PSEN1: variants seen among roughly 807,000 people sequenced by gnomAD.
PSEN1 encodes the protein presenilin-1.
In PSEN1, 15 loss-of-function variants were observed where a neutral mutation model predicts 53.5. The ratio of observed to expected loss-of-function variants is 0.28; its 90% CI spans 0.19 to 0.43. PSEN1 has a LOEUF of 0.43. PSEN1 is among the 20% of genes least tolerant of loss of function. The pLI is 1.00. For synonymous variants in PSEN1, 208 were observed against 209.8 expected (o/e 0.99, Z 0.08); for missense variants, 387 against 571.2 (o/e 0.68, Z 3.29).
Position 73,195,936 on chromosome 14 carries a change from G to A in PSEN1, c.770-2095G>A, listed in dbSNP as rs957878674. Among the ~76,000 whole-genome samples the A allele has an allele frequency of 2.6e-4, 40 of 152,114 alleles. 1 individual carries two copies. Among genetic ancestry groups the A allele is most frequent in the African/African-American group, 1.4e-4 (6 of 41,424 alleles). The stretch of plus-strand genomic sequence containing the variant: ...TTGCCTAAGCCTAAACTCTGATCTC[G>A]AATCTGAATCCCAAGTCCAATATTC... On this transcript the variant is annotated intron_variant, in intron 7 of 11. Coordinates refer to ENST00000324501, the MANE Select transcript of PSEN1 (RefSeq NM_000021.4).
intron 10 of PSEN1, among the ~76,000 whole-genome samples, chr14:73,215,086 G>A (rs1044394688): frequency 5.9e-5 from 9 of 151,672 alleles, no homozygotes; most frequent in East Asian, 2.0e-4. Flanking sequence ...TCAGCCTCCC[G>A]AGTAGCTGGG....
intron 1 of PSEN1, among the ~76,000 whole-genome samples, chr14:73,137,655 C>T (rs902686465): frequency 3.9e-5 from 6 of 152,066 alleles, no homozygotes; most frequent in Non-Finnish European, 5.9e-5. Context: ...GGTTGGAGAA[C>T]CACCACAGCG....
chr14:73,180,510 T>C (rs936598020), intron 5 of PSEN1, among the ~76,000 whole-genome samples: 10 of 152,236 alleles, frequency 6.6e-5, no homozygotes, highest in African/African-American at 1.9e-4. Context: ...CTGAGGATTT[T>C]TCATATCAGT....
intron 10 of PSEN1, among the ~76,000 whole-genome samples, chr14:73,215,266 A>C (rs958445370): frequency 1.3e-5 from 2 of 151,206 alleles, no homozygotes; most frequent in Admixed American, 6.6e-5. Context: ...CGGCCAAAAA[A>C]ATTTTTTTTA....
intron 3 of PSEN1, among the ~76,000 whole-genome samples, chr14:73,153,094 G>C (rs1051319046): frequency 2.0e-5 from 3 of 152,084 alleles, no homozygotes; most frequent in African/African-American, 7.2e-5. Flanking sequence ...CTATTTAAAG[G>C]ACCTTGAGGA....
intron 5 of PSEN1, among the ~76,000 whole-genome samples, chr14:73,181,963 G>A (rs889199907): frequency 2.6e-5 from 4 of 152,054 alleles, no homozygotes; most frequent in Non-Finnish European, 2.9e-5. Context: ...TAGTAGAGAC[G>A]GGGTTTTGGC....
intron 5 of PSEN1, among the ~76,000 whole-genome samples, chr14:73,184,866 G>C (rs1284242586): frequency 6.9e-6 from 1 of 144,964 alleles, no homozygotes; most frequent in African/African-American, 2.6e-5. Context: ...GCTGCCGGGC[G>C]GAGGGGCTCC....
chr14:73,160,912 A>G (rs772584138), intron 3 of PSEN1, among the ~76,000 whole-genome samples: 1 of 124,098 alleles, frequency 8.1e-6, no homozygotes, highest in African/African-American at 3.1e-5. Context: ...GGTTCATGCT[A>G]TTGTAGGACT....
chr14:73,160,870 C>T (rs1442655304), intron 3 of PSEN1, among the ~76,000 whole-genome samples: 2 of 135,810 alleles, frequency 1.5e-5, no homozygotes, highest in South Asian at 2.3e-4. Context: ...TGCAGTGGCG[C>T]GATCTTGGCT....
intron 7 of PSEN1, among the ~76,000 whole-genome samples, chr14:73,195,580 T>C (rs1281531417): frequency 1.3e-5 from 2 of 152,114 alleles, no homozygotes; most frequent in African/African-American, 4.8e-5. Flanking sequence ...CTTAGAACAA[T>C]GTCTATCAGT....
At chr14:73,210,696 A>G (rs1594753690) in intron 9 of PSEN1, among the ~76,000 whole-genome samples, 1 of 152,324 alleles carries the variant, frequency 6.6e-6, no homozygotes, top group East Asian at 1.9e-4. Flanking sequence ...GATCTGGATA[A>G]TAAAAAGAAT....
At chr14:73,138,506 A>G (rs919650567) in intron 1 of PSEN1, among the ~76,000 whole-genome samples, 1 of 145,842 alleles carries the variant, frequency 6.9e-6, no homozygotes, top group Non-Finnish European at 1.5e-5. Context: ...GGCGTGAGCC[A>G]CCCTGCCCGG....
chr14:73,196,455 G>C (rs1898946126), intron 7 of PSEN1, among the ~76,000 whole-genome samples: 1 of 146,660 alleles, frequency 6.8e-6, no homozygotes, highest in Admixed American at 6.9e-5. Context: ...GAAGAGACAT[G>C]ACCACTTTGA....
At chr14:73,170,741 T>TA (rs1381551220) in intron 3 of PSEN1, 56 bp from the exon 4 acceptor site, 2 of 1,598,188 alleles carry the variant, frequency 1.3e-6, no homozygotes, top group East Asian at 4.5e-5. Flanking sequence ...GTCTAACCGT[T>TA]ACCTTGATTC....
chr14:73,178,253 T>C (rs1007837594), intron 5 of PSEN1, among the ~76,000 whole-genome samples: 4 of 143,636 alleles, frequency 2.8e-5, no homozygotes, highest in African/African-American at 1.1e-4. Context: ...CGAGTCTCGC[T>C]TTGTCACCCA....
intron 1 of PSEN1, among the ~76,000 whole-genome samples, chr14:73,147,224 T>C (rs538347986): frequency 6.6e-6 from 1 of 152,250 alleles, no homozygotes; most frequent in Admixed American, 6.5e-5. Context: ...GACCTCGTGA[T>C]CCGCCCGCCT....
At chr14:73,180,125 C>T (rs1302651126) in intron 5 of PSEN1, among the ~76,000 whole-genome samples, 2 of 152,074 alleles carry the variant, frequency 1.3e-5, no homozygotes, top group African/African-American at 2.4e-5. Flanking sequence ...GTTGGGATTA[C>T]TGGGACACGC....
intron 10 of PSEN1, 44 bp from the exon 11 acceptor site, chr14:73,217,082 A>C (rs200133012): frequency 4.4e-6 from 7 of 1,608,800 alleles, no homozygotes; most frequent in African/African-American, 1.3e-5. Context: ...AAATCATAGC[A>C]AAGAGTGACC....
intron 5 of PSEN1, chr14:73,174,040 T>C (rs1293665944): frequency 2.2e-6 from 1 of 447,266 alleles, no homozygotes; most frequent in African/African-American, 1.9e-5. Context: ...GGAATCTATA[T>C]GTCATGAAAA....
Sources: gnomAD v4.1 joint callset for allele counts (sites outside exome capture counted in the v4.1 genomes callset) on GRCh38, gnomAD v4.1.1 for gene constraint, MANE v1.5 for transcripts, NCBI Gene and HGNC (gene_info 2026-07-23, HGNC 2026-07-21) for gene names.